Variants in ZMIZ1 observed in about 807,000 individuals in gnomAD.
ZMIZ1 encodes the protein zinc finger MIZ-type containing 1, also known as zinc finger MIZ domain-containing protein 1.
A neutral mutation model predicts 113.9 loss-of-function variants in ZMIZ1; 17 were observed. That is an observed-to-expected ratio of 0.15 (90% confidence interval 0.10 to 0.22). The LOEUF is 0.22. ZMIZ1 is among the 10% of genes least tolerant of loss of function. ZMIZ1 has a pLI of 1.00. For missense variants in ZMIZ1, 1,059 were observed against 1,477.8 expected (o/e 0.72, Z 4.65); for synonymous variants, 607 against 603.1 (o/e 1.01, Z -0.09).
At chr10:79,283,649 AAAG>A (rs1228875704) in intron 8 of ZMIZ1, among the ~76,000 whole-genome samples, 4 of 152,222 alleles carry the variant, frequency 2.6e-5, no homozygotes, top group African/African-American at 9.6e-5. Flanking sequence ...AAAAACAAAA[AAAG>A]AAGGAAAGGG....
At chr10:79,082,805 C>T (rs922099658) in intron 1 of ZMIZ1, among the ~76,000 whole-genome samples, 6 of 152,190 alleles carry the variant, frequency 3.9e-5, no homozygotes, top group African/African-American at 1.4e-4. Flanking sequence ...ACTTCCAGTT[C>T]TGGGGAGCCC....
In ZMIZ1 at chr10:79,307,595, T is replaced by C. The variant is rs373691734; in HGVS notation, c.2835+24T>C. 5.0e-6 allele frequency: 8 copies of C among 1,587,596 alleles called. No homozygotes were observed. The African/African-American group carries it at 1.1e-4, about 22-fold the overall frequency. On this transcript the variant is annotated intron_variant, in intron 23 of 24. Transcript: ENST00000334512. ...CTGTGAGTACCTCCTCCTCACCCCA[T>C]TCCATTCCCCAGCCTTTGGGGTTGA...
chr10:79,249,943 CTT>C (rs916252376), intron 7 of ZMIZ1, among the ~76,000 whole-genome samples: 9 of 152,260 alleles, frequency 5.9e-5, no homozygotes, highest in Admixed American at 3.9e-4. Flanking sequence ...TACCAGGTGA[CTT>C]TGAGTAAGTC....
intron 7 of ZMIZ1, among the ~76,000 whole-genome samples, chr10:79,240,101 G>A (rs891733136): frequency 5.3e-5 from 8 of 152,162 alleles, no homozygotes; most frequent in South Asian, 2.1e-4. Context: ...AAAGCCACCC[G>A]CTATTGATCC....
At chr10:79,087,412 G>A (rs965671243) in intron 1 of ZMIZ1, among the ~76,000 whole-genome samples, 7 of 152,186 alleles carry the variant, frequency 4.6e-5, no homozygotes, top group Non-Finnish European at 8.8e-5. Context: ...GGGTGTCCAT[G>A]TCCCCATTCC....
chr10:79,141,974 G>A (rs1589327470), intron 3 of ZMIZ1, among the ~76,000 whole-genome samples: 1 of 152,178 alleles, frequency 6.6e-6, no homozygotes, highest in African/African-American at 2.4e-5. Flanking sequence ...AGGAAGAGGT[G>A]GGAAGCCATC....
chr10:79,199,245 C>A (rs1220646822), intron 4 of ZMIZ1, among the ~76,000 whole-genome samples: 1 of 152,046 alleles, frequency 6.6e-6, no homozygotes, highest in Non-Finnish European at 1.5e-5. Context: ...TGGTGGCTCA[C>A]ACCTGTAATC....
chr10:79,089,362 G>A (rs1328860222), intron 1 of ZMIZ1, among the ~76,000 whole-genome samples: 1 of 152,242 alleles, frequency 6.6e-6, no homozygotes, highest in Non-Finnish European at 1.5e-5. Context: ...ACAACACGAG[G>A]TGCTCCCCAT....
intron 2 of ZMIZ1, among the ~76,000 whole-genome samples, chr10:79,132,349 C>G (rs1341304243): frequency 1.2e-5 from 1 of 83,326 alleles, no homozygotes; most frequent in African/African-American, 3.5e-5. Context: ...TGATCACCAG[C>G]CTTTTCGGCC....
intron 7 of ZMIZ1, among the ~76,000 whole-genome samples, chr10:79,227,470 A>T (rs2132762516): frequency 6.6e-6 from 1 of 152,278 alleles, no homozygotes; most frequent in Non-Finnish European, 1.5e-5. Context: ...CCAGCCCCCT[A>T]ATCACCAGTT....
At chr10:79,266,992 G>C (rs540209918) in intron 7 of ZMIZ1, among the ~76,000 whole-genome samples, 1 of 152,264 alleles carries the variant, frequency 6.6e-6, no homozygotes, top group Admixed American at 6.5e-5. Flanking sequence ...CTGAGGAGGG[G>C]CTTGGGCTCT....
At chr10:79,266,432 G>C (rs1460596114) in intron 7 of ZMIZ1, among the ~76,000 whole-genome samples, 1 of 152,196 alleles carries the variant, frequency 6.6e-6, no homozygotes, top group Non-Finnish European at 1.5e-5. Context: ...TCCTTGGCAG[G>C]GTCCTAATTG....
At chr10:79,098,116 C>T (rs897757467) in intron 1 of ZMIZ1, among the ~76,000 whole-genome samples, 2 of 152,126 alleles carry the variant, frequency 1.3e-5, no homozygotes, top group African/African-American at 4.8e-5. Flanking sequence ...TCATTCCTAC[C>T]TAAGGGTCAG....
Position 79,277,338 on chromosome 10 carries a change from G to C in ZMIZ1, c.425+13G>C. ...CTCTGTCGCACAGGTAAGTGGGTGG[G>C]TGCCATGGGTGCAGGTACTGAGCAG... On this transcript the variant is annotated intron_variant, in intron 8 of 24. Coordinates refer to ENST00000334512, the MANE Select transcript of ZMIZ1 (RefSeq NM_020338.4). 1.3e-6 allele frequency: 2 copies of C among 1,588,806 alleles called. No homozygotes were observed. Among genetic ancestry groups the C allele is most frequent in the Non-Finnish European group, 8.6e-7 (1 of 1,168,186 alleles).
intron 1 of ZMIZ1, among the ~76,000 whole-genome samples, chr10:79,104,152 C>T (rs1166554441): frequency 6.6e-6 from 1 of 152,200 alleles, no homozygotes; most frequent in Non-Finnish European, 1.5e-5. Flanking sequence ...CCTCTCTGGG[C>T]CTCAGAATCC....
intron 4 of ZMIZ1, among the ~76,000 whole-genome samples, chr10:79,197,136 G>GTAC (rs1554867622): frequency 6.6e-6 from 1 of 152,228 alleles, no homozygotes; most frequent in Non-Finnish European, 1.5e-5. Context: ...AGGTTTCTTT[G>GTAC]TACTTCTCTT....
At chr10:79,241,844 G>A (rs959461836) in intron 7 of ZMIZ1, among the ~76,000 whole-genome samples, 1 of 152,180 alleles carries the variant, frequency 6.6e-6, no homozygotes, top group Admixed American at 6.5e-5. Flanking sequence ...TCACCTCAAA[G>A]GCCAGTGAAC....
In ZMIZ1 at chr10:79,311,168, C is replaced by T; in HGVS notation, c.3080C>T (p.Pro1027Leu). 2 of 1,611,932 alleles carry T rather than the reference C, an allele frequency of 1.2e-6. No homozygotes were observed. Among genetic ancestry groups the T allele is most frequent in the Non-Finnish European group, 1.7e-6 (2 of 1,178,992 alleles). ...QAGAQGASDM[P>L]EPSLDLLPEL... The stretch of plus-strand genomic sequence containing the variant: ...GGAGCGCAGGGAGCGTCCGACATGC[C>T]GGAGCCTTCGCTGGATGTAAGTTGG... The change falls in exon 24 of 25, where the codon CCG (proline) becomes CTG (leucine). Residue 1027 changes from proline (P) to leucine (L), a missense_variant. By Grantham distance (98) the Pro-to-Leu change is moderately conservative. This residue lies in a region of ZMIZ1 where 225 missense variants were observed against 276.0 expected (regional missense o/e 0.82). Transcript: ENST00000334512.
intron 19 of ZMIZ1, among the ~76,000 whole-genome samples, chr10:79,304,457 T>A (rs996862103): frequency 1.3e-5 from 2 of 152,212 alleles, no homozygotes; most frequent in African/African-American, 4.8e-5. Flanking sequence ...CAGGGCTGAT[T>A]GGGGGCCCAA....
Sources: allele counts gnomAD v4.1 joint callset (sites outside exome capture counted in the v4.1 genomes callset), GRCh38; gene constraint gnomAD v4.1.1; regional missense constraint gnomAD v4.1.1; transcripts MANE v1.5; gene names NCBI Gene and HGNC (gene_info 2026-07-23, HGNC 2026-07-21).